The following RASEF variants were observed in gnomAD, a reference collection of about 807,000 sequenced individuals.
RASEF encodes RAS and EF-hand domain containing.
In RASEF, 68 loss-of-function variants were observed where a neutral mutation model predicts 90.1. The observed-to-expected ratio is 0.75, with a 90% CI of 0.62 to 0.92. RASEF has a LOEUF of 0.92. Among genes scored for constraint, RASEF ranks in the 40% least tolerant of loss-of-function variants. The pLI, the probability that RASEF is intolerant of heterozygous loss-of-function variation, is 0.00. For synonymous variants in RASEF, 331 were observed against 345.2 expected, an observed-to-expected ratio of 0.96 and a Z score of 0.46; for missense variants, 949 against 937.2, an observed-to-expected ratio of 1.01 and a Z score of -0.16.
chr9:83,017,193 T>C (rs1266064431), intron 3 of RASEF, among the ~76,000 whole-genome samples: 2 of 151,634 alleles, frequency 1.3e-5, no homozygotes, highest in Non-Finnish European at 2.9e-5. Context: ...GGTTTAGAAA[T>C]ACTTTATCCA....
chr9:83,113,345 T>A, the RASEF span, among the ~76,000 whole-genome samples: 1 of 152,340 alleles, frequency 6.6e-6, no homozygotes, highest in African/African-American at 2.4e-5. Context: ...AAGGTGAGAA[T>A]GTACGTCACC....
intron 16 of RASEF, among the ~76,000 whole-genome samples, chr9:82,984,469 AT>A (rs1828674547): frequency 6.6e-6 from 1 of 152,198 alleles, no homozygotes; most frequent in East Asian, 1.9e-4. Flanking sequence ...AGGGAAAAAA[AT>A]AAACTGATTC....
the RASEF span, among the ~76,000 whole-genome samples, chr9:83,213,862 A>T: frequency 3.4e-4 from 51 of 152,224 alleles, no homozygotes; most frequent in Admixed American, 3.3e-3. Flanking sequence ...AAAATATTCT[A>T]CTTTCCCCTT....
chr9:83,177,798 T>C, the RASEF span, among the ~76,000 whole-genome samples: 1 of 152,078 alleles, frequency 6.6e-6, no homozygotes, highest in African/African-American at 2.4e-5. Context: ...CTCATGAAAT[T>C]TGGGAAGTTA....
At chr9:83,140,885 G>A in the RASEF span, among the ~76,000 whole-genome samples, 1 of 152,116 alleles carries the variant, frequency 6.6e-6, no homozygotes, top group Non-Finnish European at 1.5e-5. Context: ...GCTCATGGCT[G>A]TAGTCCCAGC....
Position 82,982,105 on chromosome 9 carries a change from A to T in RASEF, c.*572T>A. The T allele has an allele frequency of 6.6e-6, 1 of 152,384 alleles. No individual in the cohort carries two copies. The allele number at this position is 152,384 out of a possible 1,614,324, so 9.4% of individuals were successfully genotyped here. ...TCTATTATTAACTGTGGGCCACCACACTCTCTGTCCTACTGCTTCCCACAG... is the reference window on the plus strand; with the variant it reads ...TCTATTATTAACTGTGGGCCACCACTCTCTCTGTCCTACTGCTTCCCACAG... On this transcript the variant is annotated 3_prime_UTR_variant, in exon 17 of 17. Transcript: ENST00000376447.
At chr9:83,144,326 GGAAA>G in the RASEF span, among the ~76,000 whole-genome samples, 643 of 39,398 alleles carry the variant, frequency 0.016, 26 homozygotes, top group Non-Finnish European at 0.022. Flanking sequence ...AAAGAAAGAA[GGAAA>G]GAAAGAAAGA....
chr9:83,057,720 T>C (rs1183490303), intron 1 of RASEF, among the ~76,000 whole-genome samples: 3 of 152,066 alleles, frequency 2.0e-5, no homozygotes, highest in Non-Finnish European at 2.9e-5. Flanking sequence ...CACCACCATG[T>C]TGCAAAGCTA....
At chr9:83,049,803 G>T (rs1360829112) in intron 1 of RASEF, among the ~76,000 whole-genome samples, 2 of 90,020 alleles carry the variant, frequency 2.2e-5, no homozygotes, top group Admixed American at 1.5e-4. Context: ...TTGGTTTTTT[G>T]TTCTTGCGAT....
the RASEF span, among the ~76,000 whole-genome samples, chr9:83,122,369 C>A: frequency 1.3e-5 from 2 of 152,218 alleles, no homozygotes; most frequent in Admixed American, 1.3e-4. Context: ...TAACTAATAA[C>A]ATAATGGGTG....
chr9:83,109,218 A>G, the RASEF span, among the ~76,000 whole-genome samples: 8 of 152,238 alleles, frequency 5.3e-5, no homozygotes, highest in Admixed American at 5.2e-4. Flanking sequence ...TGCACATTGT[A>G]GGAACCTAAT....
At chr9:82,985,279 C>T (rs1376287168) in intron 16 of RASEF, among the ~76,000 whole-genome samples, 1 of 152,160 alleles carries the variant, frequency 6.6e-6, no homozygotes, top group African/African-American at 2.4e-5. Context: ...ACACTTCTTA[C>T]ATGGTGGCAG....
At chr9:83,034,868 C>A (rs566067296) in intron 1 of RASEF, among the ~76,000 whole-genome samples, 1 of 152,314 alleles carries the variant, frequency 6.6e-6, no homozygotes, top group East Asian at 1.9e-4. Flanking sequence ...CTAAGGGTAG[C>A]AAAGGGTAGC....
the RASEF span, among the ~76,000 whole-genome samples, chr9:83,122,720 T>A: frequency 3.9e-5 from 6 of 152,214 alleles, no homozygotes; most frequent in Non-Finnish European, 8.8e-5. Context: ...TATTTTATCA[T>A]CTCCATTATG....
At chr9:83,092,087 C>G in the RASEF span, among the ~76,000 whole-genome samples, 2 of 120,484 alleles carry the variant, frequency 1.7e-5, no homozygotes, top group South Asian at 5.9e-4. Context: ...AGTCAGAGTT[C>G]TGAAAAAAGT....
chr9:83,165,701 A>G, the RASEF span, among the ~76,000 whole-genome samples: 1 of 152,116 alleles, frequency 6.6e-6, no homozygotes, highest in Non-Finnish European at 1.5e-5. Context: ...CAGAGAATCA[A>G]TGAAACCAAA....
intron 9 of RASEF, among the ~76,000 whole-genome samples, chr9:83,001,764 CA>C (rs1307919574): frequency 6.6e-6 from 1 of 151,832 alleles, no homozygotes; most frequent in Non-Finnish European, 1.5e-5. Context: ...ATCAACATGG[CA>C]AAAAATGATA....
chr9:83,206,822 C>T, the RASEF span, among the ~76,000 whole-genome samples: 3 of 152,146 alleles, frequency 2.0e-5, no homozygotes, highest in African/African-American at 7.2e-5. Context: ...TGCCTTCAGG[C>T]TTCCAGAAGC....
At chr9:83,172,898 T>C in the RASEF span, among the ~76,000 whole-genome samples, 1 of 152,024 alleles carries the variant, frequency 6.6e-6, no homozygotes, top group Non-Finnish European at 1.5e-5. Context: ...AGCATCCTTT[T>C]CTTCCAGATT....
Sources: gnomAD v4.1 joint callset for allele counts (sites outside exome capture counted in the v4.1 genomes callset) on GRCh38, gnomAD v4.1.1 for gene constraint, MANE v1.5 for transcripts, NCBI Gene and HGNC (gene_info 2026-07-23, HGNC 2026-07-21) for gene names.